ANXA11: variants seen among roughly 807,000 people sequenced by gnomAD.
ANXA11 encodes the protein annexin A11.
A neutral mutation model predicts 64.7 loss-of-function variants in ANXA11; 57 were observed. The observed-to-expected ratio is 0.88, with a 90% CI of 0.71 to 1.10. The LOEUF (loss-of-function observed/expected upper bound fraction) is 1.10. Ranked by LOEUF, ANXA11 falls within the 50% of genes least tolerant of loss-of-function variation. The probability of loss-of-function intolerance (pLI) is 0.00; values close to 1 mark genes in which losing one functional copy is unlikely to be tolerated. For missense variants in ANXA11, 675 were observed against 670.7 expected, an observed-to-expected ratio of 1.01 and a Z score of -0.07; for synonymous variants, 260 against 265.2, an observed-to-expected ratio of 0.98 and a Z score of 0.19.
chr10:80,157,557 G>A (rs1845321826), intron 15 of ANXA11, 84 bp downstream of exon 15: 34 of 1,557,792 alleles, frequency 2.2e-5, no homozygotes, highest in Non-Finnish European at 2.9e-5. Flanking sequence ...CAGAGGCCAA[G>A]CATATGGCCA....
At chr10:80,189,866 A>T (rs921774867) in intron 1 of ANXA11, among the ~76,000 whole-genome samples, 8 of 152,250 alleles carry the variant, frequency 5.3e-5, no homozygotes, top group Non-Finnish European at 1.0e-4. Flanking sequence ...AAACAACTCA[A>T]GTGCCCATTG....
intron 2 of ANXA11, 77 bp from the exon 3 acceptor site, chr10:80,172,946 G>T: frequency 7.6e-7 from 1 of 1,324,120 alleles, no homozygotes; most frequent in Non-Finnish European, 1.1e-6. Flanking sequence ...CTTCTTGAAA[G>T]GGCAGCCACC....
rs537790771 is a variant in ANXA11 at position 80,179,509 on chromosome 10, C to A, written c.-57-3354G>T. On this transcript the variant is annotated intron_variant, in intron 1 of 15. Coordinates refer to ENST00000422982, the MANE Select transcript of ANXA11 (RefSeq NM_145868.2). Reference sequence around the variant, plus strand: ...CAATAGTAAGCTCTAGGGACACAGACTAGACCTAGGCACCCCCACAGTTGT... The same window carrying A: ...CAATAGTAAGCTCTAGGGACACAGAATAGACCTAGGCACCCCCACAGTTGT... 2.0e-5 allele frequency among the ~76,000 whole-genome samples: 3 copies of A among 152,320 alleles called. No homozygotes were observed. In the East Asian group the frequency reaches 5.8e-4, roughly 29 times the overall value.
intron 9 of ANXA11, among the ~76,000 whole-genome samples, chr10:80,163,822 C>T (rs550408103): frequency 6.6e-6 from 1 of 152,272 alleles, no homozygotes; most frequent in South Asian, 2.1e-4. Flanking sequence ...TTGGCCCAAA[C>T]CACATCCAGG....
rs1021548381 is a variant in ANXA11 at position 80,159,033 on chromosome 10, G to A, written c.1276+67C>T. The A allele has an allele frequency of 2.9e-5, 35 of 1,220,812 alleles. No individual in the cohort carries two copies. The South Asian group carries it at 3.8e-4, about 13-fold the overall frequency. 75.6% of individuals were successfully genotyped at this position (1,220,812 alleles called of 1,614,324 possible). A position where few individuals can be genotyped will look rare whatever the true frequency, so the allele number is the denominator to read the frequency against. ...GTCACCCATCAGCTGGAGGACAGGC[G>A]AGCAGCCTGAACACTCACGATACAC... On this transcript the variant is annotated intron_variant, in intron 13 of 15. Transcript: ENST00000422982.
chr10:80,174,908 C>T (rs536444515), intron 2 of ANXA11, among the ~76,000 whole-genome samples: 1 of 152,290 alleles, frequency 6.6e-6, no homozygotes, highest in South Asian at 2.1e-4. Context: ...ACCACCGGTC[C>T]CCATAGGGTG....
rs370063631 is a variant in ANXA11, at chr10:80,155,613, T to A, written c.*240A>T. ...TTGCATGAGTCAGAAAAATGAAACATCTATTTTAGCAGCAAGAGGCTGTGA... is the reference window on the plus strand; with the variant it reads ...TTGCATGAGTCAGAAAAATGAAACAACTATTTTAGCAGCAAGAGGCTGTGA... On this transcript the variant is annotated 3_prime_UTR_variant, in exon 16 of 16. Transcript: ENST00000422982. 4.0e-6 allele frequency: 2 copies of A among 498,042 alleles called. No individual in the cohort carries two copies. Among genetic ancestry groups the A allele is most frequent in the African/African-American group, 1.9e-5 (1 of 51,778 alleles). 30.9% of individuals were successfully genotyped at this position (498,042 alleles called of 1,614,324 possible).
intron 1 of ANXA11, among the ~76,000 whole-genome samples, chr10:80,192,725 T>C (rs961503050): frequency 6.6e-6 from 1 of 152,180 alleles, no homozygotes; most frequent in Non-Finnish European, 1.5e-5. Flanking sequence ...GATAACAGAA[T>C]AATGTGTTCA....
intron 5 of ANXA11, 29 bp from the exon 6 acceptor site, chr10:80,167,342 TGTC>T (rs1235664374): frequency 5.6e-6 from 9 of 1,601,090 alleles, no homozygotes; most frequent in African/African-American, 5.4e-5. Flanking sequence ...TCAGGTAAGA[TGTC>T]GTGCATGCCG....
At position 80,154,500 on chromosome 10, in the gene ANXA11, G is replaced by A. The variant is rs1845216596; in HGVS notation, c.*1353C>T. On this transcript the variant is annotated 3_prime_UTR_variant, in exon 16 of 16. Coordinates refer to ENST00000422982, the MANE Select transcript of ANXA11 (RefSeq NM_145868.2). ...TCACCTCAGCTTCCCAAAGTCCTTG[G>A]ATTACAGGCGTGAGCCATAGTGCCT... The A allele has an allele frequency of 6.6e-6, 1 of 152,268 alleles. No homozygotes were observed. The allele number at this position is 152,268 out of a possible 1,614,324, so 9.4% of individuals were successfully genotyped here.
chr10:80,185,037 C>A (rs1270005895), intron 1 of ANXA11, among the ~76,000 whole-genome samples: 1 of 152,194 alleles, frequency 6.6e-6, no homozygotes, highest in Non-Finnish European at 1.5e-5. Context: ...ATGTATTTGG[C>A]CTGCAGGGCA....
intron 1 of ANXA11, among the ~76,000 whole-genome samples, chr10:80,197,171 G>C (rs750696803): frequency 6.6e-6 from 1 of 152,210 alleles, no homozygotes; most frequent in African/African-American, 2.4e-5. Flanking sequence ...GCAGGACAAT[G>C]ACTAGAACCA....
Position 80,155,911 on chromosome 10 carries a change from C to T in ANXA11, c.1460G>A (p.Gly487Glu). The change falls in exon 16 of 16, where the codon GGA (glycine) becomes GAA (glutamate). Residue 487 changes from glycine (G) to glutamate (E), a missense_variant and splice_region_variant. Coordinates refer to ENST00000422982, the MANE Select transcript of ANXA11 (RefSeq NM_145868.2). Reference sequence around the variant, plus strand: ...CTTCCGGTAATCCCCTGAAGTATCTCCCTGGCCACAGAAACAAGGAAGACA... The same window carrying T: ...CTTCCGGTAATCCCCTGAAGTATCTTCCTGGCCACAGAAACAAGGAAGACA... ...YGKSLYHDIS[G>E]DTSGDYRKIL... 6.2e-7 allele frequency: 1 copy of T among 1,614,070 alleles called. No individual in the cohort carries two copies. The highest frequency in any genetic ancestry group is 1.7e-5 in the Admixed American group (1 of 60,034).
chr10:80,167,630 G>C (rs1845800324), intron 5 of ANXA11, among the ~76,000 whole-genome samples: 1 of 152,202 alleles, frequency 6.6e-6, no homozygotes, highest in Non-Finnish European at 1.5e-5. Context: ...TGAAGGGCAG[G>C]TCTCGGGAGC....
chr10:80,164,015 A>T, intron 9 of ANXA11, 38 bp downstream of exon 9: 1 of 1,527,280 alleles, frequency 6.5e-7, no homozygotes, highest in Non-Finnish European at 9.1e-7. Flanking sequence ...AGGGATCTGC[A>T]GAGGGCAGAG....
In ANXA11 at chr10:80,163,591, C is replaced by T. The variant is rs146139449; in HGVS notation, c.972G>A (p.Glu324=). The T allele has an allele frequency of 8.7e-5, 136 of 1,559,198 alleles. No individual in the cohort carries two copies. The highest frequency in any genetic ancestry group is 1.1e-4 in the Non-Finnish European group (123 of 1,151,420). Reference sequence around the variant, plus strand: ...GCCCTGATGTGTCGCTTCGAATGGCCTCTTCCAGGGTCTTTTTGAATTCTG... The same window carrying T: ...GCCCTGATGTGTCGCTTCGAATGGCTTCTTCCAGGGTCTTTTTGAATTCTG... The part of the protein sequence containing the change: ...YKAEFKKTLE[E]AIRSDTSGHF... Residue 324 remains glutamate, a synonymous_variant, in exon 10 of 16, where the codon GAG becomes GAA. Coordinates refer to ENST00000422982, the MANE Select transcript of ANXA11 (RefSeq NM_145868.2).
At chr10:80,168,836 C>T (rs778908792) in intron 5 of ANXA11, 133 bp downstream of exon 5, 27 of 1,077,740 alleles carry the variant, frequency 2.5e-5, no homozygotes, top group Middle Eastern at 3.2e-4. Context: ...TGCACCCGGC[C>T]GACACTATTT....
At chr10:80,171,222 C>A in intron 3 of ANXA11, 1 of 1,239,848 alleles carries the variant, frequency 8.1e-7, no homozygotes, top group Non-Finnish European at 1.0e-6. Context: ...CCAAGTTCAC[C>A]ATCATGGAGC....
intron 1 of ANXA11, among the ~76,000 whole-genome samples, chr10:80,179,887 G>T (rs1846295893): frequency 6.6e-6 from 1 of 152,226 alleles, no homozygotes; most frequent in Non-Finnish European, 1.5e-5. Context: ...CCTATGCCTT[G>T]TTCGTTGGCT....
Sources: gnomAD v4.1 joint callset for allele counts (sites outside exome capture counted in the v4.1 genomes callset) on GRCh38, gnomAD v4.1.1 for gene constraint, MANE v1.5 for transcripts, NCBI Gene and HGNC (gene_info 2026-07-23, HGNC 2026-07-21) for gene names.